Variants in UGT1A7 observed in about 807,000 individuals in gnomAD.
The protein encoded by UGT1A7 is UDP glucuronosyltransferase family 1 member A7, also known as UDP-glucuronosyltransferase 1A7.
UGT1A7 carries 33 observed loss-of-function variants against 45.6 expected under a neutral mutation model. The ratio of observed to expected loss-of-function variants is 0.72; its 90% confidence interval spans 0.55 to 0.97. UGT1A7 has a LOEUF of 0.97. Ranked by LOEUF, UGT1A7 falls within the 50% of genes least tolerant of loss-of-function variation. The pLI is 0.00. For synonymous variants in UGT1A7, 274 were observed against 250.6 expected, an observed-to-expected ratio of 1.09 and a Z score of -0.88; for missense variants, 684 against 666.2, an observed-to-expected ratio of 1.03 and a Z score of -0.29.
chr2:233,718,670 T>C (rs1422403188), intron 1 of UGT1A7: 2 of 1,550,504 alleles, frequency 1.3e-6, no homozygotes, highest in Non-Finnish European at 1.7e-6. Flanking sequence ...TATAGATTAA[T>C]GGGTAATAAG....
intron 1 of UGT1A7, among the ~76,000 whole-genome samples, chr2:233,697,058 G>C (rs1287604858): frequency 6.6e-6 from 1 of 151,826 alleles, no homozygotes; most frequent in Non-Finnish European, 1.5e-5. Flanking sequence ...TTGTGTCCTT[G>C]TCTGGTTTTG....
intron 1 of UGT1A7, among the ~76,000 whole-genome samples, chr2:233,737,497 A>G (rs1575619064): frequency 6.6e-6 from 1 of 152,008 alleles, no homozygotes. Context: ...GAAATCCCTC[A>G]CCCTCTTGCA....
chr2:233,704,197 T>C (rs914829161), intron 1 of UGT1A7, among the ~76,000 whole-genome samples: 5 of 151,924 alleles, frequency 3.3e-5, no homozygotes, highest in African/African-American at 1.2e-4. Context: ...GGCCCCATTT[T>C]ACTTTTTATG....
chr2:233,772,918 GCAGTTTTAATCTTATCTTTT>G lies in UGT1A7; in HGVS notation c.*360_*379del. 2.7e-6 allele frequency: 1 copy of G among 377,336 alleles called. No homozygotes were observed. The allele number at this position is 377,336 out of a possible 1,614,324, so 23.4% of individuals were successfully genotyped here. A position where few individuals can be genotyped will look rare whatever the true frequency, so the allele number is the denominator to read the frequency against. On this transcript the variant is annotated 3_prime_UTR_variant, in exon 5 of 5. Transcript: ENST00000373426. ...CCCACGGCTGCCCCTACTGCAAATG[GCAGTTTTAATCTTATCTTTT>G]GGCTTCTGCAGATGGTTGCAATTGA...
intron 1 of UGT1A7, among the ~76,000 whole-genome samples, chr2:233,702,368 CGTAGGATTTT>C (rs1383754925): frequency 6.6e-6 from 1 of 151,930 alleles, no homozygotes; most frequent in African/African-American, 2.4e-5. Context: ...TAGTGGATTT[CGTAGGATTTT>C]CTACATTCCA....
At chr2:233,765,693 AAATAATAATAATAATAATT>A (rs1698909746) in intron 1 of UGT1A7, among the ~76,000 whole-genome samples, 1 of 147,312 alleles carries the variant, frequency 6.8e-6, no homozygotes, top group East Asian at 2.0e-4. Flanking sequence ...AACTTCAAGT[AAATAATAATAATAATAATT>A]AATAATAATA....
intron 1 of UGT1A7, among the ~76,000 whole-genome samples, chr2:233,763,098 A>G (rs1698235634): frequency 6.6e-6 from 1 of 152,204 alleles, no homozygotes; most frequent in South Asian, 2.1e-4. Context: ...TAGGAGAGGC[A>G]CCGAACTTTA....
intron 1 of UGT1A7, among the ~76,000 whole-genome samples, chr2:233,689,656 TTCCTC>T (rs2074952512): frequency 6.6e-6 from 1 of 152,194 alleles, no homozygotes; most frequent in South Asian, 2.1e-4. Flanking sequence ...TGAGTGTGAC[TTCCTC>T]CAAGAACAAA....
intron 1 of UGT1A7, among the ~76,000 whole-genome samples, chr2:233,690,063 C>T (rs2074973380): frequency 6.6e-6 from 1 of 152,196 alleles, no homozygotes; most frequent in African/African-American, 2.4e-5. Flanking sequence ...TGCAGCCCCA[C>T]CTCACAGCCT....
chr2:233,700,600 C>G (rs1244417909), intron 1 of UGT1A7, among the ~76,000 whole-genome samples: 1 of 152,134 alleles, frequency 6.6e-6, no homozygotes, highest in African/African-American at 2.4e-5. Context: ...ATACAATTCA[C>G]TCTTTTTTTG....
rs200734586 is a variant in UGT1A7 at position 233,760,641 on chromosome 2, G to T, written c.856-6393G>T. ...TCAAAACATACAAGAAAATAAAAAA[G>T]GACTCTGCTATGCTTTTGTCTGGCT... On this transcript the variant is annotated intron_variant, in intron 1 of 4. Transcript: ENST00000373426. The T allele has an allele frequency of 1.5e-4, 243 of 1,614,044 alleles. No individual in the cohort carries two copies. The highest frequency in any genetic ancestry group is 2.0e-4 in the Non-Finnish European group (236 of 1,180,030).
intron 1 of UGT1A7, chr2:233,719,072 G>T (rs148007151): frequency 6.2e-7 from 1 of 1,614,284 alleles, no homozygotes. Context: ...CTGTTCCATG[G>T]ACCCAGAAGG....
At chr2:233,725,342 A>G (rs1368487533) in intron 1 of UGT1A7, among the ~76,000 whole-genome samples, 1 of 138,706 alleles carries the variant, frequency 7.2e-6, no homozygotes, top group Non-Finnish European at 1.6e-5. Flanking sequence ...CTTAAGTCCA[A>G]TAAGAATGTT....
In UGT1A7 at chr2:233,682,559, T is replaced by C. The variant is rs11692021; in HGVS notation, c.622T>C (p.Trp208Arg). The change falls in exon 1 of 5, where the codon TGG becomes CGG. Residue 208 changes from tryptophan to arginine, a missense_variant. Physicochemically the swap from Trp to Arg is moderately radical, Grantham distance 101 (BLOSUM62 -3). Coordinates refer to ENST00000373426, the MANE Select transcript of UGT1A7 (RefSeq NM_019077.3). ...SDAMTFKERV[W>R]NHIMHLEEHL... ...CGCCATGACTTTCAAGGAGAGAGTA[T>C]GGAACCACATCATGCACTTGGAGGA... 0.37 allele frequency: 603,685 copies of C among 1,613,636 alleles called. 115,745 individuals are homozygous for C. Among genetic ancestry groups the C allele is most frequent in the South Asian group, 0.41 (37,459 of 91,054 alleles).
Position 233,760,956 on chromosome 2 carries a change from C to T in UGT1A7, c.856-6078C>T, listed in dbSNP as rs770299996. The T allele has an allele frequency of 1.7e-5, 27 of 1,614,098 alleles. No individual in the cohort carries two copies. Among genetic ancestry groups the T allele is most frequent in the African/African-American group, 2.7e-5 (2 of 74,934 alleles). ...TTGCCTTTTCACAGAACTTTCTGTG[C>T]GACGTGGTTTATTCCCCGTATGCAA... On this transcript the variant is annotated intron_variant, in intron 1 of 4. Coordinates refer to ENST00000373426, the MANE Select transcript of UGT1A7 (RefSeq NM_019077.3).
intron 1 of UGT1A7, among the ~76,000 whole-genome samples, chr2:233,746,975 C>G (rs1401004389): frequency 6.6e-6 from 1 of 151,722 alleles, no homozygotes; most frequent in Non-Finnish European, 1.5e-5. Context: ...TTCCCCAGAG[C>G]GAGCGCAGGG....
chr2:233,727,709 G>T (rs1490010404), intron 1 of UGT1A7, among the ~76,000 whole-genome samples: 2 of 152,172 alleles, frequency 1.3e-5, no homozygotes, highest in African/African-American at 4.8e-5. Flanking sequence ...AGTTCCCAAA[G>T]CCCTTGCAGA....
At chr2:233,705,348 T>G (rs1375360519) in intron 1 of UGT1A7, among the ~76,000 whole-genome samples, 1 of 152,240 alleles carries the variant, frequency 6.6e-6, no homozygotes, top group Non-Finnish European at 1.5e-5. Context: ...TTTTGTCTTA[T>G]TACATGGGGT....
At chr2:233,735,136 T>C (rs2078611903) in intron 1 of UGT1A7, among the ~76,000 whole-genome samples, 1 of 152,178 alleles carries the variant, frequency 6.6e-6, no homozygotes, top group African/African-American at 2.4e-5. Context: ...TCATTATTAT[T>C]GTGTGGGAGT....
Sources: gnomAD v4.1 joint callset for allele counts (sites outside exome capture counted in the v4.1 genomes callset) on GRCh38, gnomAD v4.1.1 for gene constraint, MANE v1.5 for transcripts, NCBI Gene and HGNC (gene_info 2026-07-23, HGNC 2026-07-21) for gene names.